The following PTAFR variants were observed in gnomAD, a reference collection of about 807,000 sequenced individuals.
PTAFR encodes the protein platelet activating factor receptor.
A neutral mutation model predicts 14.7 loss-of-function variants in PTAFR; 8 were observed. That is an observed-to-expected ratio of 0.54 (90% confidence interval 0.32 to 0.98). PTAFR has a LOEUF of 0.98. Among genes scored for constraint, PTAFR ranks in the 50% least tolerant of loss-of-function variants. PTAFR has a pLI of 0.04. For synonymous variants in PTAFR, 156 were observed against 176.5 expected (o/e 0.88, Z 0.92); for missense variants, 337 against 451.2 (o/e 0.75, Z 2.29).
rs1285404548 is a variant in PTAFR at position 28,149,039 on chromosome 1, GCAGA to G, written c.*950_*953del. On this transcript the variant is annotated 3_prime_UTR_variant, in exon 2 of 2. Transcript: ENST00000373857. The stretch of plus-strand genomic sequence containing the variant: ...TGACTGGACTAGAGGCAAGGCCTTT[GCAGA>G]CAGACACGTCTGTCTTGGGAAGCAA... The G allele has an allele frequency of 1.3e-5, 2 of 152,276 alleles. No homozygotes were observed. The highest frequency in any genetic ancestry group is 1.5e-5 in the Non-Finnish European group (1 of 68,070). The allele number at this position is 152,276 out of a possible 1,614,324, so 9.4% of individuals were successfully genotyped here. A position where few individuals can be genotyped will look rare whatever the true frequency, so the allele number is the denominator to read the frequency against.
At chr1:28,185,015 C>T (rs946643172) in intron 1 of PTAFR, among the ~76,000 whole-genome samples, 3 of 152,136 alleles carry the variant, frequency 2.0e-5, no homozygotes, top group Non-Finnish European at 2.9e-5. Context: ...TAGGTCTTTC[C>T]TCAAAAGCCA....
intron 1 of PTAFR, among the ~76,000 whole-genome samples, chr1:28,183,413 T>G (rs1180505470): frequency 2.0e-5 from 3 of 152,210 alleles, no homozygotes; most frequent in Non-Finnish European, 4.4e-5. Context: ...TTAAATATTA[T>G]AAGTAAGGCT....
In PTAFR at chr1:28,150,365, C is replaced by T; in HGVS notation, c.657G>A (p.Gln219=). ...IIRTLLMQPV[Q]QQRNAEVKRR... is the part of the protein sequence containing the mutation. Reference sequence around the variant, plus strand: ...GCTTGACTTCAGCGTTGCGCTGCTGCTGCACCGGCTGCATGAGCAAGGTAC... The same window carrying T: ...GCTTGACTTCAGCGTTGCGCTGCTGTTGCACCGGCTGCATGAGCAAGGTAC... Residue 219 remains glutamine, a synonymous_variant, in exon 2 of 2, where the codon CAG becomes CAA. Transcript: ENST00000373857. The surrounding 1 kb of genome is among the most constrained non-coding windows in gnomAD (Gnocchi z 6.3). 1 of 1,614,014 alleles carries T rather than the reference C, an allele frequency of 6.2e-7. No homozygotes were observed. Among genetic ancestry groups the T allele is most frequent in the Non-Finnish European group, 8.5e-7 (1 of 1,179,942 alleles).
intron 1 of PTAFR, among the ~76,000 whole-genome samples, chr1:28,184,834 T>G (rs1646593230): frequency 6.6e-6 from 1 of 152,050 alleles, no homozygotes; most frequent in South Asian, 2.1e-4. Flanking sequence ...GAGATGGGGT[T>G]TCACCATGTT....
chr1:28,179,182 C>T (rs565797653), upstream of PTAFR, among the ~76,000 whole-genome samples: 7 of 152,100 alleles, frequency 4.6e-5, no homozygotes, highest in Non-Finnish European at 8.8e-5. Flanking sequence ...TCCTTGGTTC[C>T]AAAACAGTTT....
chr1:28,172,192 T>C (rs985320560), intron 1 of PTAFR, among the ~76,000 whole-genome samples: 6 of 152,132 alleles, frequency 3.9e-5, no homozygotes, highest in Admixed American at 3.3e-4. Context: ...ATTTTTATAT[T>C]TTTAGTAGAG....
chr1:28,170,924 C>T (rs1417827901), intron 1 of PTAFR, among the ~76,000 whole-genome samples: 1 of 149,110 alleles, frequency 6.7e-6, no homozygotes, highest in African/African-American at 2.5e-5. Context: ...GGCGTGAACC[C>T]GGGGTGCAGA....
chr1:28,169,943 T>C (rs1646433879), intron 1 of PTAFR, among the ~76,000 whole-genome samples: 1 of 149,510 alleles, frequency 6.7e-6, no homozygotes, highest in Non-Finnish European at 1.5e-5. Context: ...GAGATTGCAG[T>C]GAGCCAAGAT....
intron 1 of PTAFR, among the ~76,000 whole-genome samples, chr1:28,188,666 T>G (rs144194955): frequency 6.6e-6 from 1 of 150,856 alleles, no homozygotes; most frequent in African/African-American, 2.4e-5. Flanking sequence ...ATCCTAGAGG[T>G]GGAGGAACCC....
chr1:28,179,733 G>T (rs2149005683), upstream of PTAFR, among the ~76,000 whole-genome samples: 1 of 152,206 alleles, frequency 6.6e-6, no homozygotes, highest in Non-Finnish European at 1.5e-5. Context: ...CAGTGGCTTG[G>T]GAGGTTGAGG....
intron 1 of PTAFR, among the ~76,000 whole-genome samples, chr1:28,175,448 G>A (rs911552520): frequency 2.0e-5 from 3 of 150,662 alleles, no homozygotes; most frequent in African/African-American, 7.3e-5. Context: ...CACCCCTACC[G>A]CCTCCCCCAA....
intron 1 of PTAFR, among the ~76,000 whole-genome samples, chr1:28,167,697 G>C (rs1646402116): frequency 7.4e-6 from 1 of 135,090 alleles, no homozygotes. Flanking sequence ...CCAGGCTGGA[G>C]TGCAGTGGCA....
intron 1 of PTAFR, among the ~76,000 whole-genome samples, chr1:28,185,179 C>T (rs1376436947): frequency 6.6e-6 from 1 of 152,214 alleles, no homozygotes; most frequent in Non-Finnish European, 1.5e-5. Context: ...TCATTATCTT[C>T]TCCCCAGCTA....
At position 28,147,264 on chromosome 1, in the gene PTAFR, G is replaced by T. The variant is rs1646127523; in HGVS notation, c.*2729C>A. ...GTACATGAATGACTGAAATTCAGGA[G>T]ACGCGGGGAGTTAGCACAGAAGCAC... On this transcript the variant is annotated 3_prime_UTR_variant, in exon 2 of 2. Transcript: ENST00000373857. 6.6e-6 allele frequency: 1 copy of T among 152,054 alleles called. No homozygotes were observed. The highest frequency in any genetic ancestry group is 2.4e-5 in the African/African-American group (1 of 41,418). 9.4% of individuals were successfully genotyped at this position (152,054 alleles called of 1,614,324 possible). A position where few individuals can be genotyped will look rare whatever the true frequency, so the allele number is the denominator to read the frequency against.
At chr1:28,180,972 A>T (rs1027239138), upstream of PTAFR, among the ~76,000 whole-genome samples, 2 of 152,054 alleles carry the variant, frequency 1.3e-5, no homozygotes, top group African/African-American at 2.4e-5. Flanking sequence ...ATTGATTTTT[A>T]TTTATTTATT....
chr1:28,150,731 G>A lies in PTAFR; in HGVS notation c.291C>T (p.Phe97=). 2 of 1,614,170 alleles carry A rather than the reference G, an allele frequency of 1.2e-6. No homozygotes were observed. The highest frequency in any genetic ancestry group is 1.7e-6 in the Non-Finnish European group (2 of 1,180,034). ...CCACAGAGCAGTAGGTGTTGATGAA[G>A]AAAAGGCAGCCAGCCACGTTGCACA... ...KFLCNVAGCL[F]FINTYCSVAF... The change falls in exon 2 of 2, where the codon TTC becomes TTT. Residue 97 remains phenylalanine (F), a synonymous_variant. Transcript: ENST00000373857. The surrounding 1 kb of genome is among the most constrained non-coding windows in gnomAD (Gnocchi z 6.3).
intron 1 of PTAFR, among the ~76,000 whole-genome samples, chr1:28,187,672 G>A (rs2149008728): frequency 6.6e-6 from 1 of 152,160 alleles, no homozygotes; most frequent in East Asian, 1.9e-4. Flanking sequence ...TTGTAAAGGT[G>A]GGGTTTCGCC....
intron 1 of PTAFR, among the ~76,000 whole-genome samples, chr1:28,165,304 C>G (rs1470662419): frequency 6.9e-6 from 1 of 145,874 alleles, no homozygotes; most frequent in Non-Finnish European, 1.5e-5. Context: ...ACTCAGGAGG[C>G]TGAGCCAGGA....
At chr1:28,171,479 G>A (rs375616780) in intron 1 of PTAFR, among the ~76,000 whole-genome samples, 2 of 152,028 alleles carry the variant, frequency 1.3e-5, no homozygotes, top group Non-Finnish European at 2.9e-5. Flanking sequence ...TGGCCGTGCC[G>A]ACCACACCCT....
Sources: gnomAD v4.1 joint callset for allele counts (sites outside exome capture counted in the v4.1 genomes callset) on GRCh38, gnomAD v4.1.1 for gene constraint, Gnocchi (gnomAD v3.1) non-coding constraint, MANE v1.5 for transcripts, NCBI Gene and HGNC (gene_info 2026-07-23, HGNC 2026-07-21) for gene names.